SLIT3: variants seen among roughly 807,000 people sequenced by gnomAD.
The protein encoded by SLIT3 is slit guidance ligand 3, also known as slit homolog 3 protein.
In SLIT3, 68 loss-of-function variants were observed where a neutral mutation model predicts 184.0. The ratio of observed to expected loss-of-function variants is 0.37; its 90% confidence interval spans 0.30 to 0.45. SLIT3 has a LOEUF of 0.45. SLIT3 is among the 20% of genes least tolerant of loss of function. The pLI is 1.00. For synonymous variants in SLIT3, 831 were observed against 828.6 expected, an observed-to-expected ratio of 1.00 and a Z score of -0.05; for missense variants, 1,707 against 2,026.0, an observed-to-expected ratio of 0.84 and a Z score of 3.02.
At chr5:168,685,971 AAG>A in intron 30 of SLIT3, 44 bp from the exon 31 acceptor site, 2 of 1,558,864 alleles carry the variant, frequency 1.3e-6, no homozygotes, top group Non-Finnish European at 1.7e-6. Context: ...GAGAATGGCC[AAG>A]AGGAGACAAT....
At chr5:169,064,099 C>T (rs912095936) in intron 4 of SLIT3, among the ~76,000 whole-genome samples, 1 of 152,124 alleles carries the variant, frequency 6.6e-6, no homozygotes, top group Admixed American at 6.5e-5. Flanking sequence ...AAATGAACAC[C>T]TTTCCATTCT....
At chr5:168,954,167 T>C (rs983211782) in intron 4 of SLIT3, among the ~76,000 whole-genome samples, 5 of 151,730 alleles carry the variant, frequency 3.3e-5, no homozygotes, top group Non-Finnish European at 1.5e-5. Context: ...TTCTTCAGAG[T>C]ATTTGACCTT....
chr5:168,795,161 G>T (rs1178734640), intron 10 of SLIT3, among the ~76,000 whole-genome samples: 1 of 152,150 alleles, frequency 6.6e-6, no homozygotes, highest in Non-Finnish European at 1.5e-5. Context: ...TCACATCTCT[G>T]CTGAAACTCC....
At chr5:168,981,059 A>G (rs1754928870) in intron 4 of SLIT3, among the ~76,000 whole-genome samples, 3 of 152,342 alleles carry the variant, frequency 2.0e-5, no homozygotes, top group South Asian at 4.2e-4. Flanking sequence ...ATTTTTCCCA[A>G]AAAGATATTT....
intron 4 of SLIT3, among the ~76,000 whole-genome samples, chr5:169,157,192 C>T (rs557729632): frequency 6.6e-6 from 1 of 152,306 alleles, no homozygotes; most frequent in African/African-American, 2.4e-5. Context: ...TCAGCAGAGA[C>T]TGTAAGGAGT....
At chr5:168,755,389 A>ATTTCTTTCTTTCTTTCTTTCTC (rs1754861475) in intron 16 of SLIT3, among the ~76,000 whole-genome samples, 1 of 133,640 alleles carries the variant, frequency 7.5e-6, no homozygotes, top group South Asian at 2.8e-4. Context: ...CAGTGCCGCC[A>ATTTCTTTCTTTCTTTCTTTCTC]TTTCTTTCTT....
intron 1 of SLIT3, among the ~76,000 whole-genome samples, chr5:169,278,665 C>A (rs964515097): frequency 2.6e-5 from 4 of 152,148 alleles, no homozygotes; most frequent in African/African-American, 9.7e-5. Context: ...GAAGTGGCTC[C>A]AGAATGAGAG....
chr5:169,166,182 T>C (rs1762632569), intron 4 of SLIT3, among the ~76,000 whole-genome samples: 2 of 152,176 alleles, frequency 1.3e-5, no homozygotes, highest in African/African-American at 4.8e-5. Context: ...CTGGGGTCAC[T>C]GCCTTTGTTT....
intron 35 of SLIT3, among the ~76,000 whole-genome samples, chr5:168,669,419 C>T (rs144431968): frequency 1.3e-5 from 2 of 152,196 alleles, no homozygotes; most frequent in Non-Finnish European, 2.9e-5. Context: ...GCATATCCTG[C>T]TGCCTTGGGT....
chr5:169,197,261 C>T (rs1238532263), intron 3 of SLIT3, among the ~76,000 whole-genome samples: 1 of 152,154 alleles, frequency 6.6e-6, no homozygotes, highest in Admixed American at 6.5e-5. Context: ...TCCCAAAAGC[C>T]TTGGGACCTT....
At chr5:168,746,510 AGTGTGGTGGCGTGGGTGTGGCGGT>A (rs1296940096) in intron 20 of SLIT3, among the ~76,000 whole-genome samples, 2 of 32,264 alleles carry the variant, frequency 6.2e-5, no homozygotes, top group Non-Finnish European at 1.1e-4. Flanking sequence ...GTGGTGTGTG[AGTGTGGTGGCGTGGGTGTGGCGGT>A]GTGTGGTGGT....
At chr5:169,063,668 T>C (rs1389312849) in intron 4 of SLIT3, among the ~76,000 whole-genome samples, 6 of 152,184 alleles carry the variant, frequency 3.9e-5, no homozygotes, top group Non-Finnish European at 1.5e-5. Context: ...GCGGACACCA[T>C]AAATCAGGAC....
At chr5:169,290,428 C>T (rs1767314009) in intron 1 of SLIT3, among the ~76,000 whole-genome samples, 1 of 151,278 alleles carries the variant, frequency 6.6e-6, no homozygotes, top group Admixed American at 6.6e-5. Context: ...TACACTGGGG[C>T]ACACACTAGG....
intron 6 of SLIT3, among the ~76,000 whole-genome samples, chr5:168,825,990 C>G (rs1436938741): frequency 1.3e-5 from 2 of 152,182 alleles, no homozygotes; most frequent in Non-Finnish European, 2.9e-5. Flanking sequence ...CCCTATCTTT[C>G]AAAGAGCAAG....
At chr5:168,895,566 C>T (rs4610477) in intron 4 of SLIT3, among the ~76,000 whole-genome samples, 39 of 152,286 alleles carry the variant, frequency 2.6e-4, no homozygotes, top group Non-Finnish European at 4.9e-4. Flanking sequence ...GCTCAGCACC[C>T]TGAGTTGCAA....
At position 168,696,480 on chromosome 5, in the gene SLIT3, G is replaced by C. The variant is rs774173546; in HGVS notation, c.2943-49C>G. 16 of 1,609,126 alleles carry C rather than the reference G, an allele frequency of 9.9e-6. No individual in the cohort carries two copies. The South Asian group carries it at 1.6e-4, about 17-fold the overall frequency. On this transcript the variant is annotated intron_variant, in intron 27 of 35. Coordinates refer to ENST00000519560, the MANE Select transcript of SLIT3 (RefSeq NM_003062.4). Reference sequence around the variant, plus strand: ...GCAGGGGAGTCAGGGGTCAGGGAGAGAGGTGGGTTGGGATGGCAGAGAGGA... The same window carrying C: ...GCAGGGGAGTCAGGGGTCAGGGAGACAGGTGGGTTGGGATGGCAGAGAGGA...
intron 35 of SLIT3, 145 bp downstream of exon 35, chr5:168,669,638 T>C (rs1761173052): frequency 1.5e-6 from 1 of 663,376 alleles, no homozygotes; most frequent in Admixed American, 2.4e-5. Context: ...CGTTTTCAAG[T>C]TGAGGGAATT....
At chr5:169,192,245 G>A (rs762687644) in intron 4 of SLIT3, among the ~76,000 whole-genome samples, 14 of 152,144 alleles carry the variant, frequency 9.2e-5, no homozygotes, top group Non-Finnish European at 1.8e-4. Flanking sequence ...ATTTAGCAAA[G>A]TCAGCTAGGG....
At chr5:168,881,807 T>C (rs913511163) in intron 5 of SLIT3, among the ~76,000 whole-genome samples, 3 of 152,192 alleles carry the variant, frequency 2.0e-5, no homozygotes, top group Non-Finnish European at 2.9e-5. Flanking sequence ...CAGGAAGATA[T>C]AAACTCAGGA....
Sources: gnomAD v4.1 joint callset for allele counts (sites outside exome capture counted in the v4.1 genomes callset) on GRCh38, gnomAD v4.1.1 for gene constraint, MANE v1.5 for transcripts, NCBI Gene and HGNC (gene_info 2026-07-23, HGNC 2026-07-21) for gene names.